Variants in MACO1 observed in about 807,000 individuals in gnomAD.
The protein encoded by MACO1 is macoilin 1, also known as macoilin.
Under a neutral mutation model 78.7 loss-of-function variants are expected in MACO1, and 14 were observed. The observed-to-expected ratio is 0.18, with a 90% CI of 0.12 to 0.28. MACO1 has a LOEUF of 0.28. Among genes scored for constraint, MACO1 ranks in the 10% least tolerant of loss-of-function variants. MACO1 has a pLI of 1.00. For synonymous variants in MACO1, 288 were observed against 291.6 expected (o/e 0.99, Z 0.12); for missense variants, 501 against 799.0 (o/e 0.63, Z 4.50).
chr1:25,446,676 G>A, intron 1 of MACO1, 86 bp from the exon 2 acceptor site: 1 of 1,329,956 alleles, frequency 7.5e-7, no homozygotes, highest in Non-Finnish European at 1.0e-6. Context: ...GTATTTTTTT[G>A]TCGTTTTAAA....
Position 25,430,918 on chromosome 1 carries a change from G to A in MACO1, c.-181G>A, listed in dbSNP as rs2042855597. ...AATTGTCATTTCTTTGTTTCCGAAGGCGGAGGAGGCTCCGAGCCCCCCCTC... is the reference window on the plus strand; with the variant it reads ...AATTGTCATTTCTTTGTTTCCGAAGACGGAGGAGGCTCCGAGCCCCCCCTC... On this transcript the variant is annotated 5_prime_UTR_variant, in exon 1 of 11. Transcript: ENST00000374343. The A allele has an allele frequency of 1.1e-5, 5 of 474,280 alleles. No individual in the cohort carries two copies. In the South Asian group the frequency reaches 1.1e-4, roughly 10 times the overall value. The allele number at this position is 474,280 out of a possible 1,614,324, so 29.4% of individuals were successfully genotyped here. A position where few individuals can be genotyped will look rare whatever the true frequency, so the allele number is the denominator to read the frequency against.
At chr1:25,488,937 C>T (rs976863582) in intron 8 of MACO1, among the ~76,000 whole-genome samples, 1 of 152,206 alleles carries the variant, frequency 6.6e-6, no homozygotes, top group African/African-American at 2.4e-5. Context: ...TCTGCCTCAG[C>T]CTCCCCAGTA....
chr1:25,438,489 A>T (rs1490804197), intron 1 of MACO1, among the ~76,000 whole-genome samples: 2 of 152,236 alleles, frequency 1.3e-5, no homozygotes, highest in Non-Finnish European at 2.9e-5. Context: ...GAGAACTAAA[A>T]AGCTGCAAGG....
chr1:25,473,141 A>C (rs1557670498), intron 6 of MACO1, among the ~76,000 whole-genome samples: 7 of 152,120 alleles, frequency 4.6e-5, no homozygotes. Flanking sequence ...GACCTGATTA[A>C]TTTTCATTTT....
intron 6 of MACO1, among the ~76,000 whole-genome samples, chr1:25,479,491 G>T (rs536690914): frequency 2.2e-4 from 34 of 152,044 alleles, no homozygotes; most frequent in Admixed American, 4.6e-4. Context: ...TTGGCTCACT[G>T]CAACCTCTGC....
At chr1:25,447,068 C>T (rs1225550118) in intron 2 of MACO1, among the ~76,000 whole-genome samples, 165 bp downstream of exon 2, 1 of 152,218 alleles carries the variant, frequency 6.6e-6, no homozygotes, top group African/African-American at 2.4e-5. Context: ...CAAATAGTTA[C>T]ATTTTCTCCT....
At chr1:25,483,696 A>G (rs2043401672) in intron 6 of MACO1, among the ~76,000 whole-genome samples, 1 of 152,176 alleles carries the variant, frequency 6.6e-6, no homozygotes, top group South Asian at 2.1e-4. Context: ...ATTCTGATTT[A>G]TCAAAATATC....
At chr1:25,482,376 G>C (rs911460477) in intron 6 of MACO1, among the ~76,000 whole-genome samples, 10 of 151,992 alleles carry the variant, frequency 6.6e-5, no homozygotes, top group African/African-American at 2.4e-4. Flanking sequence ...AGCCATCCTT[G>C]ACCTGACCTT....
intron 4 of MACO1, 101 bp downstream of exon 4, chr1:25,454,483 TA>T: frequency 6.1e-6 from 1 of 164,032 alleles, no homozygotes; most frequent in Non-Finnish European, 9.5e-6. Flanking sequence ...TATATATATA[TA>T]TATATTTTTT....
At chr1:25,491,389 C>T (rs2043484576) in intron 9 of MACO1, 21 bp from the exon 10 acceptor site, 2 of 1,613,370 alleles carry the variant, frequency 1.2e-6, no homozygotes, top group South Asian at 2.2e-5. Flanking sequence ...TGTAGCATTG[C>T]TGTTTTGATG....
chr1:25,463,740 A>G (rs960421304), intron 6 of MACO1, among the ~76,000 whole-genome samples: 2 of 152,264 alleles, frequency 1.3e-5, no homozygotes, highest in African/African-American at 4.8e-5. Context: ...AAGAGAAAAT[A>G]GTCCCACAAT....
intron 8 of MACO1, among the ~76,000 whole-genome samples, chr1:25,488,806 T>C (rs1414668543): frequency 4.0e-5 from 6 of 151,540 alleles, no homozygotes; most frequent in African/African-American, 1.5e-4. Context: ...TTTTTTAAAA[T>C]TTTATTTATT....
chr1:25,454,179 T>C (rs2043094087), intron 3 of MACO1, 80 bp from the exon 4 acceptor site: 2 of 1,365,842 alleles, frequency 1.5e-6, no homozygotes, highest in Non-Finnish European at 1.9e-6. Context: ...GTTACTGTCG[T>C]CAAATTAGTC....
intron 6 of MACO1, among the ~76,000 whole-genome samples, chr1:25,467,642 A>G (rs1571973600): frequency 6.6e-6 from 1 of 151,992 alleles, no homozygotes; most frequent in Non-Finnish European, 1.5e-5. Context: ...GTTGAATTGT[A>G]TCTGGTATAA....
Position 25,498,404 on chromosome 1 carries a change from G to A in MACO1, c.1933G>A (p.Val645Met). ...PVSPHYSSKF[V>M]ETSPSGLDPN... ...TTCCCCCCACTACTCTTCCAAATTT[G>A]TGGAGACCAGCCCCTCTGGACTTGA... The change falls in exon 11 of 11, where the codon GTG becomes ATG. Residue 645 changes from valine to methionine, a missense_variant. By Grantham distance (21) the Val-to-Met change is conservative. This residue lies in a region of MACO1 where 66 missense variants were observed against 101.6 expected (regional missense o/e 0.65). Coordinates refer to ENST00000374343, the MANE Select transcript of MACO1 (RefSeq NM_018202.6). 1 of 1,613,964 alleles carries A rather than the reference G, an allele frequency of 6.2e-7. No individual in the cohort carries two copies.
At chr1:25,472,696 G>A (rs2043284738) in intron 6 of MACO1, among the ~76,000 whole-genome samples, 1 of 152,220 alleles carries the variant, frequency 6.6e-6, no homozygotes, top group African/African-American at 2.4e-5. Context: ...TTGGTAGACA[G>A]TGATTCAGGC....
chr1:25,463,298 T>C (rs947476160), intron 6 of MACO1, among the ~76,000 whole-genome samples: 2 of 152,224 alleles, frequency 1.3e-5, no homozygotes, highest in African/African-American at 4.8e-5. Flanking sequence ...GAGCAGAAGA[T>C]GCTGGGTAGA....
At chr1:25,496,217 G>T (rs1338099228) in intron 10 of MACO1, among the ~76,000 whole-genome samples, 1 of 145,930 alleles carries the variant, frequency 6.9e-6, no homozygotes. Context: ...GCACAATCTT[G>T]CCTCACTACA....
At chr1:25,484,984 A>G (rs2043416699) in intron 7 of MACO1, among the ~76,000 whole-genome samples, 1 of 152,170 alleles carries the variant, frequency 6.6e-6, no homozygotes, top group Non-Finnish European at 1.5e-5. Flanking sequence ...ATTGATATGT[A>G]GAGAACATCC....
Sources: allele counts gnomAD v4.1 joint callset (sites outside exome capture counted in the v4.1 genomes callset), GRCh38; gene constraint gnomAD v4.1.1; regional missense constraint gnomAD v4.1.1; transcripts MANE v1.5; gene names NCBI Gene and HGNC (gene_info 2026-07-23, HGNC 2026-07-21).